Variants in GABRG2 observed in about 807,000 individuals in gnomAD.
The protein encoded by GABRG2 is gamma-aminobutyric acid receptor subunit gamma-2.
In GABRG2, 16 loss-of-function variants were observed where a neutral mutation model predicts 56.4. The observed-to-expected ratio is 0.28, with a 90% confidence interval of 0.19 to 0.43. The LOEUF is 0.43. Among genes scored for constraint, GABRG2 ranks in the 20% least tolerant of loss-of-function variants. The probability of loss-of-function intolerance (pLI) is 1.00; values close to 1 mark genes in which losing one functional copy is unlikely to be tolerated. For missense variants in GABRG2, 327 were observed against 582.7 expected, an observed-to-expected ratio of 0.56 and a Z score of 4.52; for synonymous variants, 208 against 205.5, an observed-to-expected ratio of 1.01 and a Z score of -0.10.
intron 6 of GABRG2, 127 bp downstream of exon 6, chr5:162,104,153 C>A: frequency 1.2e-6 from 1 of 848,536 alleles, no homozygotes; most frequent in Non-Finnish European, 1.9e-6. Context: ...AGTGTTTTAA[C>A]TTTCTAGAGA....
intron 1 of GABRG2, among the ~76,000 whole-genome samples, chr5:162,088,574 G>A (rs1489469262): frequency 2.6e-5 from 4 of 152,106 alleles, no homozygotes; most frequent in African/African-American, 9.7e-5. Context: ...AAGGCATCAT[G>A]TCTTTTATTG....
rs1760116550 is a variant in GABRG2 at position 162,086,426 on chromosome 5, C to T, written c.108-7402C>T. Reference sequence around the variant, plus strand: ...TCTGCTTTTAACCTCCATAGCTAAACTTGATTAGTTTGTTTTCTTATGAAG... The same window carrying T: ...TCTGCTTTTAACCTCCATAGCTAAATTTGATTAGTTTGTTTTCTTATGAAG... On this transcript the variant is annotated intron_variant, in intron 1 of 9. Coordinates refer to ENST00000639213, the MANE Select transcript of GABRG2 (RefSeq NM_198904.4). Among the ~76,000 whole-genome samples the T allele has an allele frequency of 2.0e-5, 3 of 151,960 alleles. No homozygotes were observed. In the South Asian group the frequency reaches 6.2e-4, roughly 31 times the overall value.
At chr5:162,118,534 A>G (rs990204364) in intron 6 of GABRG2, among the ~76,000 whole-genome samples, 2 of 152,164 alleles carry the variant, frequency 1.3e-5, no homozygotes, top group African/African-American at 4.8e-5. Flanking sequence ...AGAAGTAAAA[A>G]GATCTGGCTT....
In GABRG2 at chr5:162,153,369, G is replaced by A. The variant is rs751127136; in HGVS notation, c.*1G>A. On this transcript the variant is annotated 3_prime_UTR_variant, in exon 10 of 10. Coordinates refer to ENST00000639213, the MANE Select transcript of GABRG2 (RefSeq NM_198904.4). ...TTGGGTCTCCTACCTCTACCTGTGAGGAGGTATGGGTTTTACTGATATGGT... is the reference window on the plus strand; with the variant it reads ...TTGGGTCTCCTACCTCTACCTGTGAAGAGGTATGGGTTTTACTGATATGGT... The A allele has an allele frequency of 7.4e-6, 12 of 1,613,890 alleles. No homozygotes were observed. The East Asian group carries it at 2.7e-4, about 36-fold the overall frequency.
intron 1 of GABRG2, among the ~76,000 whole-genome samples, chr5:162,088,378 A>G (rs1298360824): frequency 6.6e-6 from 1 of 152,150 alleles, no homozygotes; most frequent in South Asian, 2.1e-4. Flanking sequence ...ACTAGCTTAT[A>G]TGTGTGCCTT....
In GABRG2 at chr5:162,107,059, T is replaced by C. The variant is rs548177092; in HGVS notation, c.769+3033T>C. Among the ~76,000 whole-genome samples, 5 of 152,308 alleles carry C rather than the reference T, an allele frequency of 3.3e-5. No homozygotes were observed. The East Asian group carries it at 9.7e-4, about 29-fold the overall frequency. ...TCTGTTGTTCCCTTCTATATGTCCA[T>C]GTATTATCATCATTTAGCCCCCACT... On this transcript the variant is annotated intron_variant, in intron 6 of 9. Coordinates refer to ENST00000639213, the MANE Select transcript of GABRG2 (RefSeq NM_198904.4).
chr5:162,099,762 C>T (rs1761276250), intron 4 of GABRG2: 2 of 152,106 alleles, frequency 1.3e-5, no homozygotes, highest in Admixed American at 6.6e-5. Flanking sequence ...AAAAGTGTCA[C>T]TAATGGAGAT....
At chr5:162,090,331 A>ACATACACATACACATAC in intron 1 of GABRG2, among the ~76,000 whole-genome samples, 1 of 102,658 alleles carries the variant, frequency 9.7e-6, no homozygotes, top group East Asian at 2.4e-4. Flanking sequence ...CATACCATAC[A>ACATACACATACACATAC]CATACACATA....
chr5:162,148,262 T>C (rs1479869809), intron 7 of GABRG2, among the ~76,000 whole-genome samples: 1 of 152,240 alleles, frequency 6.6e-6, no homozygotes, highest in Admixed American at 6.5e-5. Flanking sequence ...GATGTGGTAC[T>C]GGTCCTTTAG....
chr5:162,127,370 C>G (rs1013486678), intron 6 of GABRG2, among the ~76,000 whole-genome samples: 13 of 151,676 alleles, frequency 8.6e-5, no homozygotes, highest in African/African-American at 2.9e-4. Flanking sequence ...TTGGGTTGTT[C>G]TAGTTTGTTT....
intron 1 of GABRG2, among the ~76,000 whole-genome samples, chr5:162,087,273 T>G (rs1760196409): frequency 6.6e-6 from 1 of 152,074 alleles, no homozygotes; most frequent in African/African-American, 2.4e-5. Context: ...TAATTTTAAT[T>G]TGGTATCTGT....
intron 9 of GABRG2, chr5:162,151,972 C>G: frequency 2.2e-6 from 1 of 447,992 alleles, no homozygotes; most frequent in Non-Finnish European, 3.9e-6. Flanking sequence ...GCTATAATCC[C>G]TGTGAGATGT....
chr5:162,104,710 T>C (rs975502481), intron 6 of GABRG2, among the ~76,000 whole-genome samples: 1 of 152,212 alleles, frequency 6.6e-6, no homozygotes, highest in African/African-American at 2.4e-5. Context: ...TAGCTCTTAC[T>C]AATATTAATT....
At chr5:162,084,147 T>G (rs1759873552) in intron 1 of GABRG2, among the ~76,000 whole-genome samples, 1 of 151,856 alleles carries the variant, frequency 6.6e-6, no homozygotes, top group East Asian at 1.9e-4. Flanking sequence ...AGAAATAAAC[T>G]GAGACTTTGC....
chr5:162,071,996 A>G (rs1243937716), intron 1 of GABRG2, among the ~76,000 whole-genome samples: 1 of 151,908 alleles, frequency 6.6e-6, no homozygotes, highest in Admixed American at 6.6e-5. Flanking sequence ...ACTACTACCT[A>G]AACAAAACAC....
At chr5:162,078,056 T>A (rs957319898) in intron 1 of GABRG2, among the ~76,000 whole-genome samples, 2 of 152,154 alleles carry the variant, frequency 1.3e-5, no homozygotes, top group Non-Finnish European at 2.9e-5. Context: ...CCTATCCTGA[T>A]GTATAATGGG....
At chr5:162,102,864 T>C (rs1761538461) in intron 5 of GABRG2, 1 of 203,686 alleles carries the variant, frequency 4.9e-6, no homozygotes, top group Non-Finnish European at 1.0e-5. Context: ...TATAAACATA[T>C]AATAGATAAA....
chr5:162,144,450 AAGTG>A (rs968308771), intron 7 of GABRG2, among the ~76,000 whole-genome samples: 10 of 152,212 alleles, frequency 6.6e-5, no homozygotes, highest in African/African-American at 2.4e-4. Context: ...GAAGGGATCA[AAGTG>A]AGTGAGTTTT....
chr5:162,136,512 A>G (rs946148066), intron 6 of GABRG2, among the ~76,000 whole-genome samples: 1 of 152,020 alleles, frequency 6.6e-6, no homozygotes, highest in Non-Finnish European at 1.5e-5. Context: ...GGTGGTCAGA[A>G]AGTTGGAATG....
Sources: gnomAD v4.1 joint callset for allele counts (sites outside exome capture counted in the v4.1 genomes callset) on GRCh38, gnomAD v4.1.1 for gene constraint, MANE v1.5 for transcripts, NCBI Gene and HGNC (gene_info 2026-07-23, HGNC 2026-07-21) for gene names.